The following ZNF398 variants were observed in gnomAD, a reference collection of about 807,000 sequenced individuals.
ZNF398 encodes the protein zinc finger DNA binding protein ZER6.
A neutral mutation model predicts 41.9 loss-of-function variants in ZNF398; 18 were observed. The ratio of observed to expected loss-of-function variants is 0.43; its 90% CI spans 0.30 to 0.64. ZNF398 has a LOEUF of 0.64. Ranked by LOEUF, ZNF398 falls within the 30% of genes least tolerant of loss-of-function variation. The pLI is 0.14. For missense variants in ZNF398, 669 were observed against 822.8 expected (o/e 0.81, Z 2.29); for synonymous variants, 260 against 308.8 (o/e 0.84, Z 1.66).
rs186290428 is a variant in ZNF398 at position 149,139,068 on chromosome 7, G to A, written c.-490+10124G>A. ...TGGGACTACAGGAGCACGCCACCAC[G>A]CCCAGCTAATTTTGGATTTTTAGTA... On this transcript the variant is annotated intron_variant, in intron 2 of 6. Transcript: ENST00000426851. Among the ~76,000 whole-genome samples the A allele has an allele frequency of 6.8e-4, 103 of 152,106 alleles. 2 individuals are homozygous for A. Among genetic ancestry groups the A allele is most frequent in the Middle Eastern group, 3.4e-3 (1 of 294 alleles).
chr7:149,147,608 C>T lies in ZNF398; in HGVS notation c.-135C>T, dbSNP rs1192906719. ...CCCCGACGGCCGCGTGAGTCCCGTC[C>T]GTGCGGGGAAGGCAGGGCCGGGTCG... On this transcript the variant is annotated 5_prime_UTR_variant, in exon 1 of 6. Transcript: ENST00000475153. The surrounding 1 kb of genome is among the most constrained non-coding windows in gnomAD (Gnocchi z 5.6). The T allele has an allele frequency of 3.0e-6, 3 of 1,006,726 alleles. No individual in the cohort carries two copies. The highest frequency in any genetic ancestry group is 1.7e-5 in the African/African-American group (1 of 59,250). The allele number at this position is 1,006,726 out of a possible 1,614,324, so 62.4% of individuals were successfully genotyped here. A position where few individuals can be genotyped will look rare whatever the true frequency, so the allele number is the denominator to read the frequency against.
intron 2 of ZNF398, among the ~76,000 whole-genome samples, chr7:149,136,388 C>T (rs910118709): frequency 6.6e-6 from 1 of 151,850 alleles, no homozygotes; most frequent in South Asian, 2.1e-4. Context: ...ACTTCCCAGA[C>T]GGGTTGGCGG....
upstream of ZNF398, among the ~76,000 whole-genome samples, chr7:149,142,662 G>A (rs375650327): frequency 3.9e-5 from 6 of 152,102 alleles, no homozygotes; most frequent in Non-Finnish European, 8.8e-5. Flanking sequence ...GCGAGACTCC[G>A]TCTAAAAACA....
At chr7:149,162,194 T>A (rs141744304) in intron 2 of ZNF398, among the ~76,000 whole-genome samples, 184 of 151,998 alleles carry the variant, frequency 1.2e-3, no homozygotes, top group African/African-American at 4.2e-3. Context: ...GTTAATTTTT[T>A]TTTTTGAGTC....
intron 4 of ZNF398, among the ~76,000 whole-genome samples, chr7:149,169,333 C>G (rs945994135): frequency 1.3e-5 from 2 of 152,180 alleles, no homozygotes; most frequent in African/African-American, 4.8e-5. Flanking sequence ...GACCCACCCA[C>G]CTCGGCCTCC....
At chr7:149,149,706 C>T (rs1422929597) in intron 1 of ZNF398, among the ~76,000 whole-genome samples, 2 of 151,796 alleles carry the variant, frequency 1.3e-5, no homozygotes, top group African/African-American at 4.8e-5. Context: ...ATTAGCCAGG[C>T]GTGGTGGCAT....
intron 2 of ZNF398, among the ~76,000 whole-genome samples, chr7:149,139,695 G>A (rs1293896723): frequency 2.0e-5 from 3 of 148,028 alleles, no homozygotes; most frequent in African/African-American, 7.5e-5. Context: ...CTCCAGCCTG[G>A]CAACAGATAA....
chr7:149,147,847 C>T lies in ZNF398; in HGVS notation c.24+81C>T. 1.5e-6 allele frequency: 2 copies of T among 1,301,008 alleles called. No homozygotes were observed. The highest frequency in any genetic ancestry group is 2.0e-6 in the Non-Finnish European group (2 of 1,017,234). The allele number at this position is 1,301,008 out of a possible 1,614,324, so 80.6% of individuals were successfully genotyped here. ...GGAAGGCGGGCGGGCAGGGAGCTGC[C>T]AGGCATAGGCGCCGTTCTCGGGTCC... is the stretch of plus-strand genomic sequence containing the variant. On this transcript the variant is annotated intron_variant, in intron 1 of 5. Transcript: ENST00000475153. This position sits in a 1 kb window ranked among gnomAD's most constrained non-coding sequence, Gnocchi z 5.6.
upstream of ZNF398, among the ~76,000 whole-genome samples, chr7:149,146,656 C>T (rs970438292): frequency 1.3e-5 from 2 of 151,870 alleles, no homozygotes; most frequent in Non-Finnish European, 2.9e-5. Flanking sequence ...TCAGACCAGC[C>T]TGGCCAACAT....
intron 2 of ZNF398, among the ~76,000 whole-genome samples, chr7:149,156,281 C>A (rs1030728820): frequency 6.7e-6 from 1 of 149,982 alleles, no homozygotes; most frequent in Non-Finnish European, 1.5e-5. Flanking sequence ...TTGAGGCGGG[C>A]GGATCATGAG....
rs1795531406 is a variant in ZNF398, at chr7:149,179,016, C to T, written c.1144C>T (p.Gln382Ter). 1 of 1,613,794 alleles carries T rather than the reference C, an allele frequency of 6.2e-7. No homozygotes were observed. ...CCAGTGCCCTAAGCACTTTACTCCA[C>T]AGGCGGACCTCAGCAGCACCTCCCA... ...CAQCPKHFTPQADLSSTSQDH... is the reference protein window; with the variant it reads ...CAQCPKHFTP Residue 382 changes from glutamine to a stop codon, truncating the protein, a stop_gained, in exon 6 of 6, where the codon CAG becomes TAG. Coordinates refer to ENST00000475153, the MANE Select transcript of ZNF398 (RefSeq NM_170686.3). LOFTEE classifies it high-confidence loss of function. The surrounding 1 kb of genome is among the most constrained non-coding windows in gnomAD (Gnocchi z 6.1).
chr7:149,178,169 G>A (rs1214561072), intron 5 of ZNF398, among the ~76,000 whole-genome samples: 1 of 151,876 alleles, frequency 6.6e-6, no homozygotes, highest in African/African-American at 2.4e-5. Flanking sequence ...GCGGGTGCCT[G>A]TAGTCCCAGC....
At position 149,167,008 on chromosome 7, in the gene ZNF398, A is replaced by G; in HGVS notation, c.661+78A>G. On this transcript the variant is annotated intron_variant, in intron 4 of 5. Transcript: ENST00000475153. ...GGTGGCTCAGAGCTAAGCAGGGCTTAGGGGCTTCTAGAGCCATTCATTGCT... is the reference window on the plus strand; with the variant it reads ...GGTGGCTCAGAGCTAAGCAGGGCTTGGGGGCTTCTAGAGCCATTCATTGCT... 7.3e-6 allele frequency: 7 copies of G among 959,876 alleles called. No homozygotes were observed. The South Asian group carries it at 1.1e-4, about 15-fold the overall frequency. 59.5% of individuals were successfully genotyped at this position (959,876 alleles called of 1,614,324 possible).
intron 2 of ZNF398, among the ~76,000 whole-genome samples, chr7:149,164,692 A>G (rs1041576269): frequency 1.3e-5 from 2 of 152,248 alleles, no homozygotes; most frequent in Non-Finnish European, 2.9e-5. Context: ...GTTGTAAAAG[A>G]CTTCTGGCAT....
At chr7:149,168,672 G>A (rs1795272974) in intron 4 of ZNF398, among the ~76,000 whole-genome samples, 1 of 151,928 alleles carries the variant, frequency 6.6e-6, no homozygotes, top group Non-Finnish European at 1.5e-5. Context: ...AGGCTCAAGT[G>A]ATTCTCCAGC....
At chr7:149,158,363 C>T (rs184967217) in intron 2 of ZNF398, among the ~76,000 whole-genome samples, 121 of 151,988 alleles carry the variant, frequency 8.0e-4, no homozygotes, top group African/African-American at 2.7e-3. Flanking sequence ...AGAGTGAATG[C>T]GAAGAGAAAA....
intron 2 of ZNF398, among the ~76,000 whole-genome samples, chr7:149,163,883 T>C (rs915742285): frequency 1.4e-5 from 2 of 146,488 alleles, no homozygotes; most frequent in Non-Finnish European, 3.0e-5. Flanking sequence ...GAGGCTGAGG[T>C]AGGTGAATCA....
At chr7:149,129,466 A>G (rs866147813) in intron 2 of ZNF398, among the ~76,000 whole-genome samples, 114 of 151,722 alleles carry the variant, frequency 7.5e-4, no homozygotes, top group African/African-American at 2.5e-3. Context: ...TGCAACCTCC[A>G]CCTCCCAGGT....
At chr7:149,146,651 C>T (rs959524779), upstream of ZNF398, among the ~76,000 whole-genome samples, 1 of 151,774 alleles carries the variant, frequency 6.6e-6, no homozygotes, top group Non-Finnish European at 1.5e-5. Flanking sequence ...GAGTTTCAGA[C>T]CAGCCTGGCC....
Sources: allele counts gnomAD v4.1 joint callset (sites outside exome capture counted in the v4.1 genomes callset), GRCh38; gene constraint gnomAD v4.1.1; non-coding constraint Gnocchi (gnomAD v3.1); transcripts MANE v1.5; gene names NCBI Gene and HGNC (gene_info 2026-07-23, HGNC 2026-07-21).